The following CLVS1 variants were observed in gnomAD, a reference collection of about 807,000 sequenced individuals.
CLVS1 encodes the protein clavesin-1.
CLVS1 carries 10 observed loss-of-function variants against 33.1 expected under a neutral mutation model. The ratio of observed to expected loss-of-function variants is 0.30; its 90% CI spans 0.19 to 0.51. The LOEUF (loss-of-function observed/expected upper bound fraction) is 0.51. Ranked by LOEUF, CLVS1 falls within the 20% of genes least tolerant of loss-of-function variation. The pLI, the probability that CLVS1 is intolerant of heterozygous loss-of-function variation, is 0.97. For missense variants in CLVS1, 343 were observed against 433.4 expected, an observed-to-expected ratio of 0.79 and a Z score of 1.85; for synonymous variants, 163 against 166.1, an observed-to-expected ratio of 0.98 and a Z score of 0.14.
At chr8:61,223,079 A>G (rs1269276674) in intron 2 of CLVS1, among the ~76,000 whole-genome samples, 1 of 151,758 alleles carries the variant, frequency 6.6e-6, no homozygotes, top group Non-Finnish European at 1.5e-5. Flanking sequence ...GTCTTTGCAC[A>G]TAAGATGGGC....
chr8:61,172,948 G>A (rs913087376), intron 2 of CLVS1, among the ~76,000 whole-genome samples: 5 of 152,124 alleles, frequency 3.3e-5, no homozygotes, highest in African/African-American at 1.2e-4. Flanking sequence ...TATTCCACTG[G>A]CTAGAACTAA....
intron 3 of CLVS1, among the ~76,000 whole-genome samples, chr8:61,406,001 T>G (rs1434967222): frequency 6.6e-6 from 1 of 152,232 alleles, no homozygotes; most frequent in East Asian, 1.9e-4. Flanking sequence ...TCTATAAAAA[T>G]ACTTTAAGGT....
At chr8:61,163,218 C>CT (rs1245393204) in intron 2 of CLVS1, among the ~76,000 whole-genome samples, 1 of 152,172 alleles carries the variant, frequency 6.6e-6, no homozygotes, top group Non-Finnish European at 1.5e-5. Flanking sequence ...TCAACAGGAT[C>CT]TTTTGGCTTC....
chr8:61,479,031 A>C (rs186507850), intron 5 of CLVS1, among the ~76,000 whole-genome samples: 1 of 152,002 alleles, frequency 6.6e-6, no homozygotes, highest in Non-Finnish European at 1.5e-5. Context: ...CTTCATTTCA[A>C]CTTTGGTGAA....
At chr8:61,249,249 C>A (rs1030128403) in intron 2 of CLVS1, among the ~76,000 whole-genome samples, 6 of 152,152 alleles carry the variant, frequency 3.9e-5, no homozygotes, top group African/African-American at 1.4e-4. Flanking sequence ...AGGACATGAA[C>A]CCATCCTTTA....
intron 2 of CLVS1, chr8:61,264,508 C>T (rs1041646372): frequency 3.3e-5 from 5 of 152,068 alleles, no homozygotes; most frequent in African/African-American, 1.2e-4. Flanking sequence ...AAGTTACAGG[C>T]AAAATCGTAA....
chr8:61,474,454 A>G (rs1024307843), intron 5 of CLVS1, among the ~76,000 whole-genome samples: 4 of 152,198 alleles, frequency 2.6e-5, no homozygotes, highest in African/African-American at 9.6e-5. Context: ...GAGGCATGTA[A>G]AGATCCAGAA....
intron 2 of CLVS1, among the ~76,000 whole-genome samples, chr8:61,322,371 T>A (rs1188192502): frequency 2.0e-5 from 3 of 152,156 alleles, no homozygotes; most frequent in Non-Finnish European, 4.4e-5. Flanking sequence ...AAAGTGCACA[T>A]TGACTATAAA....
chr8:60,990,352 C>T, the CLVS1 span, among the ~76,000 whole-genome samples: 5 of 152,078 alleles, frequency 3.3e-5, no homozygotes, highest in Admixed American at 2.0e-4. Flanking sequence ...TGATGGCACA[C>T]GTTTATGTTA....
chr8:60,984,631 A>G, the CLVS1 span, among the ~76,000 whole-genome samples: 1 of 152,098 alleles, frequency 6.6e-6, no homozygotes, highest in East Asian at 1.9e-4. Context: ...CCTGGCCCAT[A>G]AAGTCTAGTT....
the CLVS1 span, among the ~76,000 whole-genome samples, chr8:61,022,760 T>C: frequency 6.6e-6 from 1 of 152,190 alleles, no homozygotes; most frequent in African/African-American, 2.4e-5. Flanking sequence ...GGTGCCAAAA[T>C]CAGTTACGCT....
intron 3 of CLVS1, among the ~76,000 whole-genome samples, chr8:61,384,456 AAT>A (rs1814004910): frequency 6.6e-6 from 1 of 152,188 alleles, no homozygotes; most frequent in Non-Finnish European, 1.5e-5. Flanking sequence ...AAAGGGATTC[AAT>A]AACCACATAG....
chr8:61,452,286 GTTCCAC>G (rs1241827438), intron 3 of CLVS1, among the ~76,000 whole-genome samples: 3 of 152,180 alleles, frequency 2.0e-5, no homozygotes, highest in Non-Finnish European at 2.9e-5. Flanking sequence ...ATTATTTAGA[GTTCCAC>G]TTCAGTAACC....
In CLVS1 at chr8:61,500,986, T is replaced by C. The variant is rs1804792704; in HGVS notation, c.*1444T>C. The C allele has an allele frequency of 6.6e-6, 1 of 152,202 alleles. No individual in the cohort carries two copies. Among genetic ancestry groups the C allele is most frequent in the Non-Finnish European group, 1.5e-5 (1 of 68,032 alleles). 9.4% of individuals were successfully genotyped at this position (152,202 alleles called of 1,614,324 possible). ...GATCTAATGTTTTAATTTTTTCCCC[T>C]ATTGGTAGAGAACAATAACAGAAGT... On this transcript the variant is annotated 3_prime_UTR_variant, in exon 6 of 6. Coordinates refer to ENST00000325897, the MANE Select transcript of CLVS1 (RefSeq NM_173519.3).
At chr8:61,051,548 G>A in the CLVS1 span, among the ~76,000 whole-genome samples, 7 of 152,168 alleles carry the variant, frequency 4.6e-5, no homozygotes, top group Admixed American at 1.3e-4. Context: ...TTGGGGTCCC[G>A]CCCACAGAGG....
At chr8:61,414,287 T>C (rs909560463) in intron 3 of CLVS1, among the ~76,000 whole-genome samples, 1 of 152,168 alleles carries the variant, frequency 6.6e-6, no homozygotes, top group African/African-American at 2.4e-5. Context: ...TGATTAGAAT[T>C]AAGAAAGTCT....
intron 3 of CLVS1, among the ~76,000 whole-genome samples, chr8:61,452,998 G>A (rs939112855): frequency 2.0e-5 from 3 of 151,992 alleles, no homozygotes; most frequent in Admixed American, 6.5e-5. Flanking sequence ...CCCGGGTGAG[G>A]CATCTCATAT....
chr8:61,409,221 G>A (rs754786921), intron 3 of CLVS1, among the ~76,000 whole-genome samples: 1 of 152,120 alleles, frequency 6.6e-6, no homozygotes, highest in Non-Finnish European at 1.5e-5. Flanking sequence ...GATATAAAGA[G>A]GTAGTCAGCA....
intron 1 of CLVS1, among the ~76,000 whole-genome samples, chr8:61,108,824 G>A (rs1378642201): frequency 2.0e-5 from 3 of 152,208 alleles, no homozygotes; most frequent in Non-Finnish European, 4.4e-5. Flanking sequence ...GAGACAGACA[G>A]CCCCACTGAG....
Sources: allele counts gnomAD v4.1 joint callset (sites outside exome capture counted in the v4.1 genomes callset), GRCh38; gene constraint gnomAD v4.1.1; transcripts MANE v1.5; gene names NCBI Gene and HGNC (gene_info 2026-07-23, HGNC 2026-07-21).